Variants in RPS3 observed in about 807,000 individuals in gnomAD.
RPS3 encodes small ribosomal subunit protein uS3.
A neutral mutation model predicts 25.8 loss-of-function variants in RPS3; 2 were observed. The observed-to-expected ratio is 0.08, with a 90% CI of 0.03 to 0.24. RPS3 has a LOEUF of 0.24. Ranked by LOEUF, RPS3 falls within the 10% of genes least tolerant of loss-of-function variation. RPS3 has a pLI of 1.00. For missense variants in RPS3, 107 were observed against 307.1 expected, an observed-to-expected ratio of 0.35 and a Z score of 4.87; for synonymous variants, 114 against 114.2, an observed-to-expected ratio of 1.00 and a Z score of 0.01.
At chr11:75,421,108 CTG>C (rs1189136031) in intron 6 of RPS3, among the ~76,000 whole-genome samples, 1 of 152,222 alleles carries the variant, frequency 6.6e-6, no homozygotes, top group Non-Finnish European at 1.5e-5. Flanking sequence ...GGCAGGCTAA[CTG>C]TCCCCACTCC....
chr11:75,400,024 C>G (rs1007656130), intron 1 of RPS3, among the ~76,000 whole-genome samples: 4 of 152,216 alleles, frequency 2.6e-5, no homozygotes, highest in African/African-American at 9.6e-5. Flanking sequence ...CTTGCTCCGT[C>G]TGGGGACCCC....
chr11:75,407,379 C>T (rs1366659177), downstream of RPS3, among the ~76,000 whole-genome samples: 4 of 152,174 alleles, frequency 2.6e-5, no homozygotes, highest in Non-Finnish European at 4.4e-5. Flanking sequence ...TTCAAGTGAT[C>T]CCCCCACCTC....
At chr11:75,401,506 T>G in intron 2 of RPS3, 134 bp from the exon 3 acceptor site, 2 of 653,190 alleles carry the variant, frequency 3.1e-6, no homozygotes, top group East Asian at 2.7e-5. Context: ...AAAAGCTGCG[T>G]TTTAAAAATT....
Position 75,399,567 on chromosome 11 carries a change from A to G in RPS3, c.20A>G (p.Lys7Arg). ...GGCAAGATGGCAGTGCAAATATCCA[A>G]GAAGAGGAAGGTGAGCCTCTGGGGA... is the stretch of plus-strand genomic sequence containing the variant. Reference protein sequence around the residue: MAVQISKKRKFVADGIF... With the variant: MAVQISRKRKFVADGIF... Residue 7 changes from lysine to arginine, a missense_variant, in exon 1 of 7, where the codon AAG (lysine) becomes AGG (arginine). By Grantham distance (26) the Lys-to-Arg change is conservative (BLOSUM62 2). Around this residue, in one of 2 missense-constraint regions of RPS3, gnomAD observed 26 missense variants for 20.4 expected, o/e 1.28. Coordinates refer to ENST00000531188, the MANE Select transcript of RPS3 (RefSeq NM_001005.5). The G allele has an allele frequency of 6.2e-7, 1 of 1,613,866 alleles. No individual in the cohort carries two copies. The highest frequency in any genetic ancestry group is 8.5e-7 in the Non-Finnish European group (1 of 1,179,874).
intron 1 of RPS3, among the ~76,000 whole-genome samples, chr11:75,400,109 A>C (rs1267146344): frequency 6.6e-6 from 1 of 152,246 alleles, no homozygotes; most frequent in East Asian, 1.9e-4. Flanking sequence ...TAGCTTTAAA[A>C]ATAGACAGTT....
At chr11:75,410,076 C>T (rs1444199074), downstream of RPS3, among the ~76,000 whole-genome samples, 2 of 142,378 alleles carry the variant, frequency 1.4e-5, no homozygotes, top group Admixed American at 1.4e-4. Flanking sequence ...GGCTGACCCC[C>T]CCCTCCCCCC....
At position 75,403,646 on chromosome 11, in the gene RPS3, C is replaced by G. The variant is rs535389749; in HGVS notation, c.351-374C>G. 3.0e-5 allele frequency: 5 copies of G among 164,026 alleles called. 1 individual carries two copies. Among genetic ancestry groups the G allele is most frequent in the African/African-American group, 9.5e-5 (4 of 41,902 alleles). The allele number at this position is 164,026 out of a possible 1,614,324, so 10.2% of individuals were successfully genotyped here. A position where few individuals can be genotyped will look rare whatever the true frequency, so the allele number is the denominator to read the frequency against. On this transcript the variant is annotated intron_variant, in intron 4 of 6. Coordinates refer to ENST00000531188, the MANE Select transcript of RPS3 (RefSeq NM_001005.5). Reference sequence around the variant, plus strand: ...GTAATTGTGGAGTGTAAATGTGGTTCTCAGTTTTGGTTATACATGAGAATC... The same window carrying G: ...GTAATTGTGGAGTGTAAATGTGGTTGTCAGTTTTGGTTATACATGAGAATC...
intron 6 of RPS3, among the ~76,000 whole-genome samples, chr11:75,414,086 T>C (rs1275534373): frequency 2.6e-5 from 4 of 152,184 alleles, no homozygotes; most frequent in Non-Finnish European, 4.4e-5. Flanking sequence ...GGCATCTGAT[T>C]GGCCAAGCCT....
chr11:75,404,676 G>A lies in RPS3; in HGVS notation c.543G>A (p.Val181=), dbSNP rs368681048. The part of the protein sequence containing the change: ...AVRHVLLRQG[V]LGIKVKIMLP... ...AACAACTGTGGTGTCCTCTAGGTGT[G>A]CTGGGCATCAAGGTGAAGATCATGC... Residue 181 remains valine, a synonymous_variant, in exon 6 of 7, where the codon GTG becomes GTA. Transcript: ENST00000531188. This position sits in a 1 kb window ranked among gnomAD's most constrained non-coding sequence, Gnocchi z 4.6. The A allele has an allele frequency of 1.5e-5, 24 of 1,610,648 alleles. No homozygotes were observed. The highest frequency in any genetic ancestry group is 2.0e-5 in the Non-Finnish European group (24 of 1,178,052).
chr11:75,408,653 C>T (rs1183003373), downstream of RPS3, among the ~76,000 whole-genome samples: 4 of 152,100 alleles, frequency 2.6e-5, no homozygotes, highest in South Asian at 8.3e-4. Context: ...TCTCAGCTCG[C>T]TGCAACCTCA....
chr11:75,410,829 A>C (rs1054269912), downstream of RPS3, among the ~76,000 whole-genome samples: 2 of 152,192 alleles, frequency 1.3e-5, no homozygotes, highest in Admixed American at 6.5e-5. Context: ...ACCAAAAAAA[A>C]ACGAAAACCA....
chr11:75,408,949 C>T (rs1053111619), downstream of RPS3, among the ~76,000 whole-genome samples: 10 of 151,938 alleles, frequency 6.6e-5, no homozygotes, highest in South Asian at 8.3e-4. Flanking sequence ...CTCTATATGC[C>T]ACTCTAAACA....
Position 75,400,837 on chromosome 11 carries a change from T to G in RPS3, c.161+13T>G, listed in dbSNP as rs994208949. Reference sequence around the variant, plus strand: ...TCTTAGCCACCAGGTAAAACTCATTTGACTGGCCATCACCTATAATTGTTA... The same window carrying G: ...TCTTAGCCACCAGGTAAAACTCATTGGACTGGCCATCACCTATAATTGTTA... On this transcript the variant is annotated intron_variant, in intron 2 of 6. Coordinates refer to ENST00000531188, the MANE Select transcript of RPS3 (RefSeq NM_001005.5). 7 of 1,609,016 alleles carry G rather than the reference T, an allele frequency of 4.4e-6. No homozygotes were observed. The African/African-American group carries it at 6.7e-5, about 15-fold the overall frequency.
At chr11:75,401,558 T>C in intron 2 of RPS3, 82 bp from the exon 3 acceptor site, 1 of 951,908 alleles carries the variant, frequency 1.1e-6, no homozygotes, top group Non-Finnish European at 1.7e-6. Flanking sequence ...GTGGCAGAGA[T>C]TTTGCTACCA....
intron 2 of RPS3, 38 bp from the exon 3 acceptor site, chr11:75,401,602 A>G (rs1948210956): frequency 3.0e-6 from 4 of 1,327,562 alleles, no homozygotes; most frequent in Non-Finnish European, 3.3e-6. Flanking sequence ...TACATCTAGC[A>G]TTTGTGAGAA....
rs773860580 is a variant in RPS3, at chr11:75,404,377, A to G, written c.538+170A>G. The G allele has an allele frequency of 2.5e-6, 2 of 805,776 alleles. No homozygotes were observed. The highest frequency in any genetic ancestry group is 1.7e-5 in the African/African-American group (1 of 59,504). 49.9% of individuals were successfully genotyped at this position (805,776 alleles called of 1,614,324 possible). On this transcript the variant is annotated intron_variant, in intron 5 of 6. Transcript: ENST00000531188. The surrounding 1 kb of genome is among the most constrained non-coding windows in gnomAD (Gnocchi z 4.6). Reference sequence around the variant, plus strand: ...AAGAATCGATTTGCTGAGATCTGTCAGATCCAAGAGTTGGTTTGTCCTTGT... The same window carrying G: ...AAGAATCGATTTGCTGAGATCTGTCGGATCCAAGAGTTGGTTTGTCCTTGT...
intron 2 of RPS3, 55 bp downstream of exon 2, chr11:75,400,879 T>C (rs1230515564): frequency 1.3e-6 from 2 of 1,535,346 alleles, no homozygotes. Flanking sequence ...CTAAGTTGGT[T>C]TATTTATTTA....
In RPS3 at chr11:75,406,796, C is replaced by T. The variant is rs1365879065; in HGVS notation, c.*1186C>T. On this transcript the variant is annotated 3_prime_UTR_variant, in exon 7 of 7. Coordinates refer to ENST00000531188, the MANE Select transcript of RPS3 (RefSeq NM_001005.5). ...GTATTGAACATGTAGACTTATTTTT[C>T]TTATTTTCAAAATACTATATTTTCT... 1 of 152,116 alleles carries T rather than the reference C, an allele frequency of 6.6e-6. No homozygotes were observed. Among genetic ancestry groups the T allele is most frequent in the Non-Finnish European group, 1.5e-5 (1 of 68,008 alleles). The allele number at this position is 152,116 out of a possible 1,614,324, so 9.4% of individuals were successfully genotyped here.
At chr11:75,408,791 C>T (rs1343495318), downstream of RPS3, among the ~76,000 whole-genome samples, 1 of 152,204 alleles carries the variant, frequency 6.6e-6, no homozygotes, top group African/African-American at 2.4e-5. Context: ...AGTGATCCAC[C>T]TCCCAAAGTG....
Sources: allele counts gnomAD v4.1 joint callset (sites outside exome capture counted in the v4.1 genomes callset), GRCh38; gene constraint gnomAD v4.1.1; regional missense constraint gnomAD v4.1.1; non-coding constraint Gnocchi (gnomAD v3.1); transcripts MANE v1.5; gene names NCBI Gene and HGNC (gene_info 2026-07-23, HGNC 2026-07-21).